AATK: variants seen among roughly 807,000 people sequenced by gnomAD.
The protein encoded by AATK is lemur tail kinase 1.
Under a neutral mutation model 114.3 loss-of-function variants are expected in AATK, and 91 were observed. The observed-to-expected ratio is 0.80, with a 90% CI of 0.67 to 0.95. The LOEUF (loss-of-function observed/expected upper bound fraction) is 0.95. Ranked by LOEUF, AATK falls within the 40% of genes least tolerant of loss-of-function variation. The pLI is 0.00. For missense variants in AATK, 2,176 were observed against 1,965.2 expected (o/e 1.11, Z -2.03); for synonymous variants, 1,075 against 916.5 (o/e 1.17, Z -3.12).
chr17:81,165,746 C>T (rs751397672), intron 1 of AATK, 192 bp downstream of exon 1: 90 of 1,525,062 alleles, frequency 5.9e-5, no homozygotes, highest in Middle Eastern at 5.2e-4. Context: ...AGGCGGAGGC[C>T]GGTTTGTGCT....
chr17:81,153,681 C>A (rs946800630), intron 1 of AATK, among the ~76,000 whole-genome samples: 1 of 152,144 alleles, frequency 6.6e-6, no homozygotes, highest in Non-Finnish European at 1.5e-5. Context: ...GAGGCCCATG[C>A]GCAATGGACC....
intron 1 of AATK, 79 bp downstream of exon 1, chr17:81,165,858 CG>C: frequency 1.3e-6 from 2 of 1,532,152 alleles, no homozygotes; most frequent in South Asian, 2.4e-5. Context: ...CCATGCAAAC[CG>C]GGAGCCGTGG....
intron 2 of AATK, chr17:81,133,096 A>C: frequency 5.4e-6 from 2 of 370,778 alleles, no homozygotes; most frequent in East Asian, 8.5e-5. Context: ...TCAGGGGTAC[A>C]TCCCAGAGCA....
chr17:81,162,838 G>T (rs1306021455), intron 1 of AATK, among the ~76,000 whole-genome samples: 2 of 152,248 alleles, frequency 1.3e-5, no homozygotes, highest in East Asian at 3.9e-4. Flanking sequence ...GGCGGGGGTT[G>T]GGGGGTGGCA....
intron 12 of AATK, 63 bp from the exon 13 acceptor site, chr17:81,119,643 CCACAGTCACGGG>C: frequency 7.7e-7 from 1 of 1,300,676 alleles, no homozygotes; most frequent in East Asian, 2.8e-5. Context: ...GGCCCCGCTC[CCACAGTCACGGG>C]CCCAGGCCCC....
chr17:81,165,682 C>T (rs973795535), intron 1 of AATK: 6 of 1,513,206 alleles, frequency 4.0e-6, no homozygotes, highest in Admixed American at 2.0e-5. Flanking sequence ...CCCCAGTTAC[C>T]TGTGCCCTGG....
Position 81,122,396 on chromosome 17 carries a change from CCGGGGGCGCGCCGT to C in AATK, c.1526_1539del (p.Asp509GlyfsTer33), listed in dbSNP as rs2146288563. ...TGCGCGCTGAGCACCGGAACCACGC[CCGGGGGCGCGCCGT>C]CGGGGGCGCACAGCTCCTGCAGGCG... On this transcript the variant is annotated frameshift_variant, in exon 11 of 14. Coordinates refer to ENST00000326724, the MANE Select transcript of AATK (RefSeq NM_001080395.3). LOFTEE classifies it high-confidence loss of function. 1.4e-6 allele frequency: 2 copies of C among 1,476,720 alleles called. No homozygotes were observed. Among genetic ancestry groups the C allele is most frequent in the Non-Finnish European group, 1.8e-6 (2 of 1,117,860 alleles). 91.5% of individuals were successfully genotyped at this position (1,476,720 alleles called of 1,614,324 possible).
chr17:81,132,253 G>C (rs1021898098), intron 2 of AATK, among the ~76,000 whole-genome samples: 19 of 152,330 alleles, frequency 1.2e-4, no homozygotes, highest in African/African-American at 4.1e-4. Flanking sequence ...GCTCAGAGGA[G>C]TCAAGGGACT....
At chr17:81,158,376 T>C (rs1207105840) in intron 1 of AATK, among the ~76,000 whole-genome samples, 1 of 152,204 alleles carries the variant, frequency 6.6e-6, no homozygotes, top group Non-Finnish European at 1.5e-5. Flanking sequence ...AGAAGGTGCC[T>C]GAGCCTGGCG....
Position 81,120,348 on chromosome 17 carries a change from C to G in AATK, c.3588G>C (p.Val1196=). 1.2e-6 allele frequency: 2 copies of G among 1,610,240 alleles called. No homozygotes were observed. The highest frequency in any genetic ancestry group is 1.1e-5 in the South Asian group (1 of 90,976). ...GCGCGCTCTGGCTCTCAGCCACCAC[C>G]ACGGGCACCGCCGGCGCCTCCTCTT... is the stretch of plus-strand genomic sequence containing the variant. ...DSEEEAPAVP[V]VVAESQSARN... is the part of the protein sequence containing the mutation. Residue 1196 remains valine, a synonymous_variant, in exon 11 of 14, where the codon GTG becomes GTC. Transcript: ENST00000326724.
chr17:81,147,895 G>A (rs2061242791), intron 1 of AATK, among the ~76,000 whole-genome samples: 1 of 152,182 alleles, frequency 6.6e-6, no homozygotes, highest in Non-Finnish European at 1.5e-5. Context: ...TGTATAGACA[G>A]ATGTGCATAT....
At chr17:81,130,445 AGATGAGGCTGTGGCT>A (rs2060912151) in intron 3 of AATK, among the ~76,000 whole-genome samples, 1 of 152,188 alleles carries the variant, frequency 6.6e-6, no homozygotes, top group African/African-American at 2.4e-5. Context: ...GGATGGGGGC[AGATGAGGCTGTGGCT>A]GAGGCCCTGC....
chr17:81,126,761 T>C lies in AATK; in HGVS notation c.622-201A>G, dbSNP rs1160395785. The C allele has an allele frequency of 7.1e-6, 10 of 1,400,482 alleles. No homozygotes were observed. Among genetic ancestry groups the C allele is most frequent in the Non-Finnish European group, 9.3e-6 (10 of 1,078,820 alleles). 86.8% of individuals were successfully genotyped at this position (1,400,482 alleles called of 1,614,324 possible). Reference sequence around the variant, plus strand: ...CGTGTCCCCCAGGGCTGGGCTGGACTGAAGGCTTCCTCTCCACTGCCCCTC... The same window carrying C: ...CGTGTCCCCCAGGGCTGGGCTGGACCGAAGGCTTCCTCTCCACTGCCCCTC... On this transcript the variant is annotated intron_variant, in intron 6 of 13. Transcript: ENST00000326724. The surrounding 1 kb of genome is among the most constrained non-coding windows in gnomAD (Gnocchi z 5.1).
rs1345234176 is a variant in AATK at position 81,120,697 on chromosome 17, G to GGCTC, written c.3235_3238dup (p.Pro1080ArgfsTer38). Reference sequence around the variant, plus strand: ...CTTGGCTGGGCCTTGGGGCTCCGGAGGCTCTGGGACCAGGCCCGAGGGGCA... The same window carrying GGCTC: ...CTTGGCTGGGCCTTGGGGCTCCGGAGGCTCGCTCTGGGACCAGGCCCGAGGGGCA... On this transcript the variant is annotated frameshift_variant, in exon 11 of 14. Transcript: ENST00000326724. LOFTEE classifies it high-confidence loss of function. The GGCTC allele has an allele frequency of 6.6e-7, 1 of 1,521,646 alleles. No individual in the cohort carries two copies. The highest frequency in any genetic ancestry group is 2.2e-5 in the Admixed American group (1 of 45,486). 94.3% of individuals were successfully genotyped at this position (1,521,646 alleles called of 1,614,324 possible).
intron 1 of AATK, among the ~76,000 whole-genome samples, chr17:81,157,555 C>A (rs1169664630): frequency 1.3e-5 from 2 of 152,174 alleles, no homozygotes; most frequent in Non-Finnish European, 2.9e-5. Context: ...CGACAGCCAA[C>A]CCTGCAATCA....
chr17:81,163,189 G>C (rs1033481288), intron 1 of AATK, among the ~76,000 whole-genome samples: 1 of 152,162 alleles, frequency 6.6e-6, no homozygotes, highest in African/African-American at 2.4e-5. Flanking sequence ...GTGTCCCCAT[G>C]CCCACTTCCA....
rs1319346619 is a variant in AATK, at chr17:81,126,325, G to A, written c.755+102C>T. ...GATGCTGCATGAGATGAACCTGGCC[G>A]GTCCTCGCAAGCCCCCTGAGGCAGG... On this transcript the variant is annotated intron_variant, in intron 7 of 13. Transcript: ENST00000326724. This position sits in a 1 kb window ranked among gnomAD's most constrained non-coding sequence, Gnocchi z 5.1. The A allele has an allele frequency of 1.8e-5, 25 of 1,390,862 alleles. No individual in the cohort carries two copies. The highest frequency in any genetic ancestry group is 7.6e-5 in the East Asian group (3 of 39,504). The allele number at this position is 1,390,862 out of a possible 1,614,324, so 86.2% of individuals were successfully genotyped here.
At chr17:81,152,569 G>A (rs2146395302) in intron 1 of AATK, among the ~76,000 whole-genome samples, 1 of 152,292 alleles carries the variant, frequency 6.6e-6, no homozygotes, top group South Asian at 2.1e-4. Context: ...GGGCCACAGA[G>A]CAAAACCCTG....
chr17:81,122,217 G>A lies in AATK; in HGVS notation c.1719C>T (p.Ala573=), dbSNP rs1200468677. The A allele has an allele frequency of 2.7e-6, 4 of 1,495,244 alleles. No homozygotes were observed. The South Asian group carries it at 3.8e-5, about 14-fold the overall frequency. 92.6% of individuals were successfully genotyped at this position (1,495,244 alleles called of 1,614,324 possible). A position where few individuals can be genotyped will look rare whatever the true frequency, so the allele number is the denominator to read the frequency against. Reference sequence around the variant, plus strand: ...GCCCGTGGCCCAGCAGCGGCTCCATGGCCAGCGAGGCGGCGGTGCTGCCGT... The same window carrying A: ...GCCCGTGGCCCAGCAGCGGCTCCATAGCCAGCGAGGCGGCGGTGCTGCCGT... The part of the protein sequence containing the change: ...DSDGSTAASL[A]MEPLLGHGPP... The change falls in exon 11 of 14, where the codon GCC becomes GCT. Residue 573 remains alanine (A), a synonymous_variant. Coordinates refer to ENST00000326724, the MANE Select transcript of AATK (RefSeq NM_001080395.3).
Sources: allele counts gnomAD v4.1 joint callset (sites outside exome capture counted in the v4.1 genomes callset), GRCh38; gene constraint gnomAD v4.1.1; non-coding constraint Gnocchi (gnomAD v3.1); transcripts MANE v1.5; gene names NCBI Gene and HGNC (gene_info 2026-07-23, HGNC 2026-07-21).